Variants in CIP2A observed in about 807,000 individuals in gnomAD.
CIP2A encodes cellular inhibitor of PP2A.
CIP2A carries 103 observed loss-of-function variants against 110.9 expected under a neutral mutation model. The observed-to-expected ratio is 0.93, with a 90% CI of 0.79 to 1.09. The LOEUF (loss-of-function observed/expected upper bound fraction) is 1.09, where lower values mean the gene tolerates loss of function less well. Ranked by LOEUF, CIP2A falls within the 50% of genes least tolerant of loss-of-function variation. CIP2A has a pLI of 0.00. For synonymous variants in CIP2A, 381 were observed against 361.6 expected, an observed-to-expected ratio of 1.05 and a Z score of -0.61; for missense variants, 1,088 against 1,038.4, an observed-to-expected ratio of 1.05 and a Z score of -0.66.
At chr3:108,587,546 AATATGGTAGCTATGGTACCT>A (rs1227955238) in intron 1 of CIP2A, among the ~76,000 whole-genome samples, 38 of 152,322 alleles carry the variant, frequency 2.5e-4, no homozygotes, top group Admixed American at 2.4e-3. Context: ...GTTAGCTACC[AATATGGTAGCTATGGTACCT>A]ATATATTAAA....
chr3:108,555,615 A>C (rs991207009), intron 17 of CIP2A, among the ~76,000 whole-genome samples: 5 of 152,106 alleles, frequency 3.3e-5, no homozygotes, highest in Admixed American at 6.6e-5. Flanking sequence ...CTTTGTTCTA[A>C]GTTTCTTTCT....
chr3:108,589,312 A>G lies in CIP2A; in HGVS notation c.64T>C (p.Ser22Pro). The change falls in exon 1 of 21, where the codon TCA becomes CCA. Residue 22 changes from serine (S) to proline (P), a missense_variant. Transcript: ENST00000295746. ...AAAAGCTGAGTGGCGTTCGCCTCTG[A>G]CTTCACGGCTTTGTACTGACTGACA... ...LTVSQYKAVK[S>P]EANATQLLRH... 1 of 1,614,064 alleles carries G rather than the reference A, an allele frequency of 6.2e-7. No homozygotes were observed. The highest frequency in any genetic ancestry group is 8.5e-7 in the Non-Finnish European group (1 of 1,179,978).
Position 108,551,048 on chromosome 3 carries a change from T to C in CIP2A, c.*101A>G, listed in dbSNP as rs2083889779. 1 of 526,892 alleles carries C rather than the reference T, an allele frequency of 1.9e-6. No homozygotes were observed. The allele number at this position is 526,892 out of a possible 1,614,324, so 32.6% of individuals were successfully genotyped here. A position where few individuals can be genotyped will look rare whatever the true frequency, so the allele number is the denominator to read the frequency against. On this transcript the variant is annotated 3_prime_UTR_variant, in exon 21 of 21. Transcript: ENST00000295746. ...TACTAAATTAGATAATAACTTCTTA[T>C]TGTTACGAAGTCACAAATTAACTCC... is the stretch of plus-strand genomic sequence containing the variant.
intron 13 of CIP2A, among the ~76,000 whole-genome samples, chr3:108,562,846 G>C (rs1938053453): frequency 6.6e-6 from 1 of 152,114 alleles, no homozygotes; most frequent in Non-Finnish European, 1.5e-5. Context: ...GTAGGCTTAA[G>C]AGTGTCCAGA....
At chr3:108,587,968 G>A (rs1490100265) in intron 1 of CIP2A, among the ~76,000 whole-genome samples, 2 of 152,110 alleles carry the variant, frequency 1.3e-5, no homozygotes, top group Admixed American at 1.3e-4. Context: ...TAGTAGAGAC[G>A]GGGTTTCGCA....
intron 13 of CIP2A, among the ~76,000 whole-genome samples, chr3:108,562,208 T>G (rs1431400640): frequency 1.3e-5 from 2 of 152,152 alleles, no homozygotes; most frequent in African/African-American, 4.8e-5. Flanking sequence ...AATCAGTGAA[T>G]AGCATATAGC....
At chr3:108,587,081 T>A (rs1269453950) in intron 1 of CIP2A, among the ~76,000 whole-genome samples, 1 of 152,166 alleles carries the variant, frequency 6.6e-6, no homozygotes, top group African/African-American at 2.4e-5. Context: ...TTTCACATAT[T>A]GCTAGTGGGA....
In CIP2A at chr3:108,563,180, G is replaced by A; in HGVS notation, c.1580C>T (p.Ser527Phe). Residue 527 changes from serine (S) to phenylalanine (F), a missense_variant, in exon 13 of 21, where the codon TCT (serine) becomes TTT (phenylalanine). Coordinates refer to ENST00000295746, the MANE Select transcript of CIP2A (RefSeq NM_020890.3). ...AGCCTCCAATAATATTCTCAGTCCA[G>A]ACTGTACTTGTTCTCTATTATCTGA... ...LTSDNREQVQ[S>F]GLRILLEAAP... 6 of 1,612,922 alleles carry A rather than the reference G, an allele frequency of 3.7e-6. No homozygotes were observed. Among genetic ancestry groups the A allele is most frequent in the South Asian group, 2.2e-5 (2 of 91,040 alleles).
Position 108,551,272 on chromosome 3 carries a change from T to C in CIP2A, c.2595A>G (p.Glu865=). ...VQKAQLEGRL[E]EKESLVKLQQ... ...GAAGTTTCACCAAGGACTCTTTCTCTTCCAAACGACCTTCTAATTGTGCCT... is the reference window on the plus strand; with the variant it reads ...GAAGTTTCACCAAGGACTCTTTCTCCTCCAAACGACCTTCTAATTGTGCCT... Residue 865 remains glutamate (E), a synonymous_variant, in exon 21 of 21, where the codon GAA becomes GAG. Transcript: ENST00000295746. The C allele has an allele frequency of 6.2e-7, 1 of 1,612,312 alleles. No homozygotes were observed. Among genetic ancestry groups the C allele is most frequent in the Admixed American group, 1.7e-5 (1 of 59,942 alleles).
In CIP2A at chr3:108,560,704, C is replaced by A. The variant is rs372574131; in HGVS notation, c.1772G>T (p.Gly591Val). Residue 591 changes from glycine to valine, a missense_variant, in exon 14 of 21, where the codon GGT (glycine) becomes GTT (valine). Physicochemically the swap from Gly to Val is moderately radical, Grantham distance 109. Transcript: ENST00000295746. ...TTCTTCAATATTCAATCCAGGAACA[C>A]CATCTTTCAAATGAGGAGTTAAACA... ...IKCLTPHLKD[G>V]VPGLNIEELI... 76 of 1,610,810 alleles carry A rather than the reference C, an allele frequency of 4.7e-5. No individual in the cohort carries two copies. The highest frequency in any genetic ancestry group is 6.0e-5 in the Non-Finnish European group (71 of 1,178,694).
intron 8 of CIP2A, among the ~76,000 whole-genome samples, chr3:108,575,577 T>C (rs541885746): frequency 1.3e-5 from 2 of 149,654 alleles, no homozygotes; most frequent in South Asian, 2.1e-4. Context: ...TATATACTCA[T>C]ATACATGTGT....
chr3:108,560,159 T>C, intron 14 of CIP2A, 131 bp from the exon 15 acceptor site: 1 of 597,438 alleles, frequency 1.7e-6, no homozygotes, highest in South Asian at 2.2e-5. Flanking sequence ...AAATGCTACA[T>C]CAGGTAAGTC....
Position 108,589,201 on chromosome 3 carries a change from A to G in CIP2A, c.102+73T>C, listed in dbSNP as rs1223394009. 4 of 1,116,122 alleles carry G rather than the reference A, an allele frequency of 3.6e-6. No individual in the cohort carries two copies. The African/African-American group carries it at 6.2e-5, about 17-fold the overall frequency. The allele number at this position is 1,116,122 out of a possible 1,614,324, so 69.1% of individuals were successfully genotyped here. On this transcript the variant is annotated intron_variant, in intron 1 of 20. Transcript: ENST00000295746. Reference sequence around the variant, plus strand: ...CTTTCTTTCCCAGGCTGGGGCCGCCACTCCTCGGCCTCACTGTGAAATAAG... The same window carrying G: ...CTTTCTTTCCCAGGCTGGGGCCGCCGCTCCTCGGCCTCACTGTGAAATAAG...
At chr3:108,561,213 A>G (rs181107452) in intron 13 of CIP2A, among the ~76,000 whole-genome samples, 1 of 152,228 alleles carries the variant, frequency 6.6e-6, no homozygotes, top group East Asian at 1.9e-4. Context: ...CACTCAGTAC[A>G]TACTTTTCAC....
At position 108,589,331 on chromosome 3, in the gene CIP2A, A is replaced by T; in HGVS notation, c.45T>A (p.Ser15Arg). The change falls in exon 1 of 21, where the codon AGT becomes AGA. Residue 15 changes from serine (S) to arginine (R), a missense_variant. Transcript: ENST00000295746. The stretch of plus-strand genomic sequence containing the variant: ...CCTCTGACTTCACGGCTTTGTACTG[A>T]CTGACAGTCAGGAGCAAGGACTTCA... ...ACLKSLLLTV[S>R]QYKAVKSEAN... 1 of 1,613,968 alleles carries T rather than the reference A, an allele frequency of 6.2e-7. No individual in the cohort carries two copies.
rs762635712 is a variant in CIP2A at position 108,560,758 on chromosome 3, G to A, written c.1718C>T (p.Ser573Leu). Residue 573 changes from serine to leucine, a missense_variant, in exon 14 of 21, where the codon TCA (serine) becomes TTA (leucine). Physicochemically the swap from Ser to Leu is moderately radical, Grantham distance 145 (BLOSUM62 -2). Coordinates refer to ENST00000295746, the MANE Select transcript of CIP2A (RefSeq NM_020890.3). ...HIPRKMPWQS[S>L]NHSFPTSIKC... The stretch of plus-strand genomic sequence containing the variant: ...TATTGATGTTGGAAAACTGTGATTT[G>A]ATGATTGCCAGGGCATTTTTCTGGG... 1.2e-6 allele frequency: 2 copies of A among 1,612,774 alleles called. No individual in the cohort carries two copies. Among genetic ancestry groups the A allele is most frequent in the South Asian group, 2.2e-5 (2 of 91,026 alleles).
intron 9 of CIP2A, 108 bp downstream of exon 9, chr3:108,569,281 T>C: frequency 2.5e-6 from 2 of 796,468 alleles, no homozygotes; most frequent in Non-Finnish European, 4.2e-6. Flanking sequence ...AATTGAGATG[T>C]TTTCCTCAAG....
In CIP2A at chr3:108,581,371, T is replaced by A. The variant is rs566317977; in HGVS notation, c.549+44A>T. Reference sequence around the variant, plus strand: ...AATACAATTTTCTTTAAGCAGAGAATCTACCATAAAACAAGAAACATTAAA... The same window carrying A: ...AATACAATTTTCTTTAAGCAGAGAAACTACCATAAAACAAGAAACATTAAA... On this transcript the variant is annotated intron_variant, in intron 5 of 20. Transcript: ENST00000295746. 11 of 1,322,260 alleles carry A rather than the reference T, an allele frequency of 8.3e-6. No individual in the cohort carries two copies. In the South Asian group the frequency reaches 1.3e-4, roughly 15 times the overall value. The allele number at this position is 1,322,260 out of a possible 1,614,324, so 81.9% of individuals were successfully genotyped here.
intron 9 of CIP2A, among the ~76,000 whole-genome samples, chr3:108,568,552 T>A (rs536154366): frequency 6.6e-6 from 1 of 152,004 alleles, no homozygotes; most frequent in South Asian, 2.1e-4. Context: ...AAGACTTTTT[T>A]AAACAGACTT....
Sources: gnomAD v4.1 joint callset for allele counts (sites outside exome capture counted in the v4.1 genomes callset) on GRCh38, gnomAD v4.1.1 for gene constraint, MANE v1.5 for transcripts, NCBI Gene and HGNC (gene_info 2026-07-23, HGNC 2026-07-21) for gene names.